WFDC1: variants seen among roughly 807,000 people sequenced by gnomAD.
WFDC1 encodes WAP four-disulfide core domain protein 1.
Under a neutral mutation model 32.9 loss-of-function variants are expected in WFDC1, and 39 were observed. The observed-to-expected ratio is 1.19, with a 90% confidence interval of 0.92 to 1.55. WFDC1 has a LOEUF of 1.55. WFDC1 is among the 40% of genes most tolerant of loss of function. The pLI is 0.00. For missense variants in WFDC1, 386 were observed against 309.5 expected (o/e 1.25, Z -1.85); for synonymous variants, 184 against 137.4 (o/e 1.34, Z -2.37).
At position 84,321,587 on chromosome 16, in the gene WFDC1, A is replaced by C. The variant is rs183765570; in HGVS notation, c.562+2016A>C. Among the ~76,000 whole-genome samples, 760 of 152,328 alleles carry C rather than the reference A, an allele frequency of 5.0e-3. 3 individuals are homozygous for C. The highest frequency in any genetic ancestry group is 8.7e-3 in the Admixed American group (133 of 15,306). On this transcript the variant is annotated intron_variant, in intron 4 of 6. Transcript: ENST00000219454. The stretch of plus-strand genomic sequence containing the variant: ...CCTATGATGTCTAAGACCAAGGTCA[A>C]ACCAAGTCAAACTAGTTCTTAAGGG...
At chr16:84,316,318 A>G (rs1218208564) in intron 2 of WFDC1, 1 of 152,228 alleles carries the variant, frequency 6.6e-6, no homozygotes. Flanking sequence ...AGTACCCATC[A>G]ATATACTTTA....
At chr16:84,312,344 G>C (rs569756400) in intron 1 of WFDC1, among the ~76,000 whole-genome samples, 1 of 152,156 alleles carries the variant, frequency 6.6e-6, no homozygotes, top group South Asian at 2.1e-4. Flanking sequence ...CCAGATTCCT[G>C]ACTTCTCATG....
intron 1 of WFDC1, among the ~76,000 whole-genome samples, chr16:84,303,161 TC>T (rs1357283151): frequency 6.6e-6 from 1 of 151,964 alleles, no homozygotes; most frequent in Non-Finnish European, 1.5e-5. Flanking sequence ...AGCCCACTGT[TC>T]CGGGGAGCGA....
At chr16:84,306,768 C>CA (rs1907285107) in intron 1 of WFDC1, among the ~76,000 whole-genome samples, 1 of 129,810 alleles carries the variant, frequency 7.7e-6, no homozygotes, top group African/African-American at 3.0e-5. Flanking sequence ...TCATCCTCAT[C>CA]TTCATCATCA....
chr16:84,309,629 A>G (rs1004492351), intron 1 of WFDC1, among the ~76,000 whole-genome samples: 1 of 151,982 alleles, frequency 6.6e-6, no homozygotes, highest in Non-Finnish European at 1.5e-5. Flanking sequence ...GAATTGTCTC[A>G]TGGTTCTGGG....
At chr16:84,327,100 G>A in intron 6 of WFDC1, 145 bp downstream of exon 6, 1 of 743,958 alleles carries the variant, frequency 1.3e-6, no homozygotes. Flanking sequence ...TCTGCAGTAA[G>A]TCCTCACCTA....
intron 1 of WFDC1, among the ~76,000 whole-genome samples, chr16:84,300,594 A>G (rs566949953): frequency 1.1e-4 from 17 of 152,362 alleles, no homozygotes; most frequent in African/African-American, 3.1e-4. Flanking sequence ...AAACAGGTTC[A>G]TTACAGGTGT....
chr16:84,325,446 G>T (rs1908534874), intron 5 of WFDC1, among the ~76,000 whole-genome samples: 2 of 151,768 alleles, frequency 1.3e-5, no homozygotes, highest in East Asian at 3.9e-4. Context: ...CAGGTGATCT[G>T]CCCGCCTCGG....
At chr16:84,301,902 G>A (rs771890962) in intron 1 of WFDC1, among the ~76,000 whole-genome samples, 61 of 152,296 alleles carry the variant, frequency 4.0e-4, no homozygotes, top group Non-Finnish European at 6.8e-4. Flanking sequence ...GTCCCTGTGT[G>A]GTTATCACTC....
intron 1 of WFDC1, among the ~76,000 whole-genome samples, chr16:84,307,032 C>G (rs1009406974): frequency 6.6e-6 from 1 of 151,712 alleles, no homozygotes; most frequent in Admixed American, 6.6e-5. Flanking sequence ...AGGTGAGAGC[C>G]GGGCAGATAT....
chr16:84,294,982 C>T lies in WFDC1; in HGVS notation c.11C>T (p.Thr4Ile). ...CTGCCCAGGGAGGAAATGCCTTTAACCGGCGTGGGGCCGGGCAGCTGCAGG... is the reference window on the plus strand; with the variant it reads ...CTGCCCAGGGAGGAAATGCCTTTAATCGGCGTGGGGCCGGGCAGCTGCAGG... MPLTGVGPGSCRRQ... is the reference protein window; with the variant it reads MPLIGVGPGSCRRQ... Residue 4 changes from threonine to isoleucine, a missense_variant, in exon 1 of 7, where the codon ACC (threonine) becomes ATC (isoleucine). Transcript: ENST00000219454. 3.1e-6 allele frequency: 5 copies of T among 1,613,130 alleles called. No homozygotes were observed. Among genetic ancestry groups the T allele is most frequent in the Non-Finnish European group, 4.2e-6 (5 of 1,179,480 alleles).
At chr16:84,310,826 G>T (rs1389622782) in intron 1 of WFDC1, among the ~76,000 whole-genome samples, 1 of 152,120 alleles carries the variant, frequency 6.6e-6, no homozygotes, top group East Asian at 1.9e-4. Flanking sequence ...CACCTTAAAG[G>T]CAGGTTTTCA....
Position 84,318,255 on chromosome 16 carries a change from A to T in WFDC1, c.338-17A>T. ...GCTGCTTGAGGAGGGCCCTGATCTG[A>T]CCCCGTATTGTGTTAGTCTTAGACT... On this transcript the variant is annotated splice_polypyrimidine_tract_variant and intron_variant, in intron 2 of 6. Transcript: ENST00000219454. The T allele has an allele frequency of 2.5e-6, 4 of 1,613,718 alleles. No individual in the cohort carries two copies. The highest frequency in any genetic ancestry group is 3.4e-6 in the Non-Finnish European group (4 of 1,179,758).
Position 84,308,625 on chromosome 16 carries a change from G to A in WFDC1, c.145-4336G>A, listed in dbSNP as rs1426973986. 2.0e-5 allele frequency among the ~76,000 whole-genome samples: 3 copies of A among 152,358 alleles called. No homozygotes were observed. The East Asian group carries it at 5.8e-4, about 29-fold the overall frequency. ...GTGGCACTGTGCTAGATGCCAGCCT[G>A]AGTGTAGATGCCCGCCTGGGTGTAC... On this transcript the variant is annotated intron_variant, in intron 1 of 6. Coordinates refer to ENST00000219454, the MANE Select transcript of WFDC1 (RefSeq NM_021197.4).
At chr16:84,306,372 G>T (rs1275195609) in intron 1 of WFDC1, among the ~76,000 whole-genome samples, 2 of 152,166 alleles carry the variant, frequency 1.3e-5, no homozygotes, top group Admixed American at 1.3e-4. Flanking sequence ...GGATGTGGAG[G>T]TTCAGCTGTG....
At chr16:84,315,920 C>T (rs1249291419) in intron 2 of WFDC1, 2 of 152,334 alleles carry the variant, frequency 1.3e-5, no homozygotes, top group Middle Eastern at 3.4e-3. Flanking sequence ...CCAGTGAGGT[C>T]ATGAAGAGCT....
At chr16:84,312,925 C>T (rs1009241484) in intron 1 of WFDC1, 36 bp from the exon 2 acceptor site, 3 of 1,139,718 alleles carry the variant, frequency 2.6e-6, no homozygotes, top group Non-Finnish European at 3.2e-6. Flanking sequence ...CTCGAACGCG[C>T]GCCCCAGAGC....
intron 1 of WFDC1, among the ~76,000 whole-genome samples, chr16:84,302,723 G>A (rs112121114): frequency 6.6e-5 from 10 of 152,214 alleles, no homozygotes; most frequent in South Asian, 2.1e-4. Flanking sequence ...CAATTCGTTC[G>A]CCTTATCTGT....
chr16:84,318,339 T>C lies in WFDC1; in HGVS notation c.405T>C (p.Pro135=). 6.2e-7 allele frequency: 1 copy of C among 1,614,006 alleles called. No homozygotes were observed. The highest frequency in any genetic ancestry group is 8.5e-7 in the Non-Finnish European group (1 of 1,179,946). The change falls in exon 3 of 7, where the codon CCT becomes CCC. Residue 135 remains proline, a synonymous_variant. Coordinates refer to ENST00000219454, the MANE Select transcript of WFDC1 (RefSeq NM_021197.4). ...GCAATGGCTGGCTCCTGGATGGCCC[T>C]GAGGAGGTGTTACAAGGTACCTGCC... is the stretch of plus-strand genomic sequence containing the variant. ...LGGNGWLLDG[P]EEVLQAEACS...
Sources: allele counts gnomAD v4.1 joint callset (sites outside exome capture counted in the v4.1 genomes callset), GRCh38; gene constraint gnomAD v4.1.1; transcripts MANE v1.5; gene names NCBI Gene and HGNC (gene_info 2026-07-23, HGNC 2026-07-21).